The following ESRRG variants were observed in gnomAD, a reference collection of about 807,000 sequenced individuals.
The protein encoded by ESRRG is estrogen related receptor gamma, also known as estrogen-related receptor gamma.
A neutral mutation model predicts 44.0 loss-of-function variants in ESRRG; 13 were observed. The ratio of observed to expected loss-of-function variants is 0.30; its 90% CI spans 0.19 to 0.47. The LOEUF (loss-of-function observed/expected upper bound fraction) is 0.47. Among genes scored for constraint, ESRRG ranks in the 20% least tolerant of loss-of-function variants. The pLI is 1.00. For missense variants in ESRRG, 395 were observed against 580.6 expected, an observed-to-expected ratio of 0.68 and a Z score of 3.29; for synonymous variants, 215 against 214.6, an observed-to-expected ratio of 1.00 and a Z score of -0.02.
intron 2 of ESRRG, among the ~76,000 whole-genome samples, chr1:216,894,487 T>G (rs1488923974): frequency 6.6e-6 from 1 of 152,082 alleles, no homozygotes; most frequent in Admixed American, 6.6e-5. Flanking sequence ...AATCAAATGC[T>G]TGGGTAGAGT....
chr1:217,075,465 T>G (rs1387440228), intron 1 of ESRRG, among the ~76,000 whole-genome samples: 1 of 152,124 alleles, frequency 6.6e-6, no homozygotes, highest in Non-Finnish European at 1.5e-5. Context: ...CCTAACACTT[T>G]TAGTCCTATC....
chr1:216,669,691 G>A lies in ESRRG; in HGVS notation c.472+7385C>T, dbSNP rs566939097. On this transcript the variant is annotated intron_variant, in intron 2 of 6. Coordinates refer to ENST00000408911, the MANE Select transcript of ESRRG (RefSeq NM_001438.4). The stretch of plus-strand genomic sequence containing the variant: ...ACTTGAGGTCGGAAGTTTGAGACCA[G>A]CCTGGCCAACATAGTGAAACTCTGT... Among the ~76,000 whole-genome samples the A allele has an allele frequency of 6.6e-5, 10 of 152,280 alleles. No individual in the cohort carries two copies. In the South Asian group the frequency reaches 1.2e-3, roughly 19 times the overall value.
At chr1:216,975,603 A>T (rs1214938542) in intron 1 of ESRRG, among the ~76,000 whole-genome samples, 3 of 152,202 alleles carry the variant, frequency 2.0e-5, no homozygotes. Flanking sequence ...GTGCTCACTA[A>T]AAAGACACTC....
In ESRRG at chr1:216,835,592, G is replaced by C. The variant is rs537805370; in HGVS notation, c.-14+103990C>G. On this transcript the variant is annotated intron_variant, in intron 2 of 7. Coordinates refer to the ESRRG transcript ENST00000359162. ...CGGAGTCCTTCTCAGGCCATATTTA[G>C]TTCACTTTAACAACCGGAAAGGTTG... is the stretch of plus-strand genomic sequence containing the variant. Among the ~76,000 whole-genome samples, 13 of 152,286 alleles carry C rather than the reference G, an allele frequency of 8.5e-5. No homozygotes were observed. In the East Asian group the frequency reaches 1.2e-3, roughly 14 times the overall value.
intron 3 of ESRRG, among the ~76,000 whole-genome samples, chr1:216,627,194 T>C (rs779485793): frequency 4.4e-4 from 67 of 152,334 alleles, no homozygotes; most frequent in Middle Eastern, 3.4e-3. Context: ...TAGGAATAAC[T>C]AGTTTGTAGC....
At chr1:217,102,046 TC>T (rs1467730792) in intron 1 of ESRRG, among the ~76,000 whole-genome samples, 1 of 152,070 alleles carries the variant, frequency 6.6e-6, no homozygotes, top group African/African-American at 2.4e-5. Context: ...CCTCAGGTGA[TC>T]CCCCCGCTTC....
At chr1:216,672,143 TCAC>T (rs2075317472) in intron 2 of ESRRG, among the ~76,000 whole-genome samples, 1 of 152,084 alleles carries the variant, frequency 6.6e-6, no homozygotes, top group South Asian at 2.1e-4. Flanking sequence ...AATAACAATA[TCAC>T]ATCCCCAAAA....
chr1:216,668,543 A>C (rs1191659096), intron 2 of ESRRG, among the ~76,000 whole-genome samples: 5 of 152,242 alleles, frequency 3.3e-5, no homozygotes, highest in African/African-American at 7.2e-5. Context: ...AGTGAGGATC[A>C]TTACATTTTA....
chr1:216,785,672 C>A (rs1476122101), intron 2 of ESRRG, among the ~76,000 whole-genome samples: 1 of 151,868 alleles, frequency 6.6e-6, no homozygotes, highest in Admixed American at 6.6e-5. Flanking sequence ...GAAGGGTCTC[C>A]TTTAAAAAAA....
intron 2 of ESRRG, among the ~76,000 whole-genome samples, chr1:216,935,392 A>G (rs1578345575): frequency 6.6e-6 from 1 of 152,196 alleles, no homozygotes; most frequent in Non-Finnish European, 1.5e-5. Context: ...AGCAGCTCAT[A>G]AAACTCAGAG....
chr1:216,575,971 G>T (rs1037071589), intron 3 of ESRRG, among the ~76,000 whole-genome samples: 38 of 152,170 alleles, frequency 2.5e-4, no homozygotes, highest in East Asian at 9.6e-4. Flanking sequence ...ACAGCTATGA[G>T]ATTGTGAACA....
intron 1 of ESRRG, among the ~76,000 whole-genome samples, chr1:216,686,760 T>A (rs1277395239): frequency 6.6e-6 from 1 of 152,192 alleles, no homozygotes; most frequent in Non-Finnish European, 1.5e-5. Context: ...CCAGGCACTG[T>A]GTAACCTGAG....
At chr1:216,809,881 C>T (rs1364019216) in intron 2 of ESRRG, among the ~76,000 whole-genome samples, 2 of 152,168 alleles carry the variant, frequency 1.3e-5, no homozygotes, top group Non-Finnish European at 2.9e-5. Flanking sequence ...TCGCCTCTAC[C>T]ACCTTGCACA....
chr1:217,095,556 T>A (rs937446701), intron 1 of ESRRG, among the ~76,000 whole-genome samples: 30 of 152,188 alleles, frequency 2.0e-4, no homozygotes, highest in Admixed American at 1.3e-4. Context: ...ACTGGAGGGA[T>A]ATTTGGCAGG....
upstream of ESRRG, among the ~76,000 whole-genome samples, chr1:216,727,199 G>C (rs1243569057): frequency 1.3e-5 from 2 of 152,092 alleles, no homozygotes; most frequent in Non-Finnish European, 2.9e-5. Flanking sequence ...AACAAATTTA[G>C]ATTTTCAAAT....
chr1:216,898,091 G>A (rs1577848507), intron 2 of ESRRG, among the ~76,000 whole-genome samples: 1 of 152,280 alleles, frequency 6.6e-6, no homozygotes, highest in Non-Finnish European at 1.5e-5. Context: ...CACACAGACC[G>A]GACCGTTGAG....
intron 2 of ESRRG, among the ~76,000 whole-genome samples, chr1:216,901,436 C>T (rs950074155): frequency 3.6e-4 from 53 of 148,330 alleles, no homozygotes; most frequent in African/African-American, 1.2e-3. Flanking sequence ...GGCGTGATCA[C>T]ACCTCATTGC....
At chr1:216,954,842 G>A (rs149323063) in intron 1 of ESRRG, among the ~76,000 whole-genome samples, 1 of 152,230 alleles carries the variant, frequency 6.6e-6, no homozygotes, top group Non-Finnish European at 1.5e-5. Context: ...CTGTTCATCT[G>A]ATTGTCACTT....
At chr1:216,670,894 C>T (rs376659865) in intron 2 of ESRRG, among the ~76,000 whole-genome samples, 5 of 152,098 alleles carry the variant, frequency 3.3e-5, no homozygotes, top group African/African-American at 1.2e-4. Flanking sequence ...TCCTTGGAGT[C>T]AAAGACTGAC....
Sources: allele counts gnomAD v4.1 joint callset (sites outside exome capture counted in the v4.1 genomes callset), GRCh38; gene constraint gnomAD v4.1.1; transcripts MANE v1.5; gene names NCBI Gene and HGNC (gene_info 2026-07-23, HGNC 2026-07-21).